MOXD1: variants seen among roughly 807,000 people sequenced by gnomAD.
The protein encoded by MOXD1 is monooxygenase DBH like 1, also known as DBH-like monooxygenase protein 1.
A neutral mutation model predicts 66.6 loss-of-function variants in MOXD1; 62 were observed. The ratio of observed to expected loss-of-function variants is 0.93; its 90% CI spans 0.76 to 1.15. MOXD1 has a LOEUF of 1.15. Ranked by LOEUF, MOXD1 falls within the 50% of genes most tolerant of loss-of-function variation. The pLI, the probability that MOXD1 is intolerant of heterozygous loss-of-function variation, is 0.00. For missense variants in MOXD1, 847 were observed against 754.6 expected (o/e 1.12, Z -1.44); for synonymous variants, 303 against 281.9 (o/e 1.07, Z -0.75).
At chr6:132,314,280 T>C (rs1562279274) in intron 10 of MOXD1, among the ~76,000 whole-genome samples, 1 of 152,244 alleles carries the variant, frequency 6.6e-6, no homozygotes, top group African/African-American at 2.4e-5. Context: ...GTAACCTGAA[T>C]GGAATGTGTC....
intron 4 of MOXD1, among the ~76,000 whole-genome samples, chr6:132,349,069 T>C (rs928482327): frequency 6.6e-6 from 1 of 151,972 alleles, no homozygotes; most frequent in Admixed American, 6.6e-5. Flanking sequence ...GAGACTTTGG[T>C]GCACCCATCA....
intron 4 of MOXD1, among the ~76,000 whole-genome samples, chr6:132,332,462 A>G (rs1225949174): frequency 6.6e-6 from 1 of 152,246 alleles, no homozygotes; most frequent in Non-Finnish European, 1.5e-5. Flanking sequence ...ATAATATGGG[A>G]GAAAAAATTA....
intron 1 of MOXD1, 129 bp from the exon 2 acceptor site, chr6:132,374,906 G>A (rs923108225): frequency 1.1e-6 from 1 of 913,338 alleles, no homozygotes; most frequent in Non-Finnish European, 1.7e-6. Flanking sequence ...CCAAGGGGCT[G>A]GAGTATTCCA....
At chr6:132,398,803 G>T (rs1337864407) in intron 1 of MOXD1, among the ~76,000 whole-genome samples, 1 of 151,862 alleles carries the variant, frequency 6.6e-6, no homozygotes, top group Non-Finnish European at 1.5e-5. Context: ...GCCTGGCATG[G>T]TGACAGGCGC....
At chr6:132,398,042 C>T (rs913946211) in intron 1 of MOXD1, among the ~76,000 whole-genome samples, 1 of 152,194 alleles carries the variant, frequency 6.6e-6, no homozygotes, top group African/African-American at 2.4e-5. Context: ...TTCCTCCACA[C>T]CTTCCCACTC....
At chr6:132,383,895 C>A (rs1776560176) in intron 1 of MOXD1, among the ~76,000 whole-genome samples, 1 of 152,030 alleles carries the variant, frequency 6.6e-6, no homozygotes, top group Non-Finnish European at 1.5e-5. Flanking sequence ...AATAGTGAAA[C>A]CCCATCTCTA....
intron 4 of MOXD1, among the ~76,000 whole-genome samples, chr6:132,338,941 C>T (rs1284627490): frequency 6.6e-6 from 1 of 152,112 alleles, no homozygotes; most frequent in East Asian, 1.9e-4. Flanking sequence ...TTTTTAAATG[C>T]AATTTTAACA....
At chr6:132,336,435 T>C (rs1425717860) in intron 4 of MOXD1, among the ~76,000 whole-genome samples, 4 of 152,224 alleles carry the variant, frequency 2.6e-5, no homozygotes, top group South Asian at 2.1e-4. Context: ...GACATGCTCA[T>C]GTGACAATGG....
intron 9 of MOXD1, among the ~76,000 whole-genome samples, chr6:132,316,537 A>G (rs1774963261): frequency 1.3e-5 from 2 of 152,148 alleles, no homozygotes; most frequent in South Asian, 4.1e-4. Flanking sequence ...AGAAAAAGGA[A>G]TGACATTAGG....
At chr6:132,351,586 A>G (rs1775803741) in intron 4 of MOXD1, among the ~76,000 whole-genome samples, 1 of 152,090 alleles carries the variant, frequency 6.6e-6, no homozygotes, top group Non-Finnish European at 1.5e-5. Flanking sequence ...CATTGGTTAT[A>G]TCGGTCAGTA....
At position 132,349,394 on chromosome 6, in the gene MOXD1, C is replaced by CACATATATATACATATATATATATAT. The variant is rs1775738910; in HGVS notation, c.664-20826_664-20801dup. On this transcript the variant is annotated intron_variant, in intron 4 of 11. Transcript: ENST00000367963. ...ATATATATACATGTATATATATATACACATATATATACATATATATATATA... is the reference window on the plus strand; with the variant it reads ...ATATATATACATGTATATATATATACACATATATATACATATATATATATATACATATATATACATATATATATATA... Among the ~76,000 whole-genome samples the CACATATATATACATATATATATATAT allele has an allele frequency of 3.4e-4, 16 of 46,924 alleles. 1 individual carries two copies. Among genetic ancestry groups the CACATATATATACATATATATATATAT allele is most frequent in the Non-Finnish European group, 3.9e-5 (1 of 25,424 alleles). 30.8% of individuals were successfully genotyped at this position (46,924 alleles called of 152,430 possible).
chr6:132,347,956 A>G (rs1433365913), intron 4 of MOXD1, among the ~76,000 whole-genome samples: 3 of 152,082 alleles, frequency 2.0e-5, no homozygotes. Context: ...CATTTATAGA[A>G]CAGTTCCATG....
chr6:132,309,271 T>C (rs1367547726), intron 10 of MOXD1, among the ~76,000 whole-genome samples: 3 of 152,062 alleles, frequency 2.0e-5, no homozygotes, highest in Non-Finnish European at 4.4e-5. Flanking sequence ...CCATTCACAA[T>C]TGCTACAAAG....
At chr6:132,334,472 A>G (rs1349487330) in intron 4 of MOXD1, among the ~76,000 whole-genome samples, 1 of 152,248 alleles carries the variant, frequency 6.6e-6, no homozygotes, top group East Asian at 1.9e-4. Context: ...CAAATGGTGA[A>G]TCACTCCTGT....
intron 2 of MOXD1, among the ~76,000 whole-genome samples, chr6:132,374,068 T>C (rs1342921782): frequency 6.6e-6 from 1 of 152,194 alleles, no homozygotes; most frequent in African/African-American, 2.4e-5. Flanking sequence ...AAACAATTCA[T>C]GGAAATTTCT....
At chr6:132,312,488 C>T (rs1386947237) in intron 10 of MOXD1, among the ~76,000 whole-genome samples, 1 of 152,068 alleles carries the variant, frequency 6.6e-6, no homozygotes, top group African/African-American at 2.4e-5. Context: ...TGGTGATGAA[C>T]TAGATTTAAT....
Position 132,361,749 on chromosome 6 carries a change from C to T in MOXD1, c.663+10859G>A, listed in dbSNP as rs143950725. Among the ~76,000 whole-genome samples, 129 of 152,138 alleles carry T rather than the reference C, an allele frequency of 8.5e-4. 1 individual carries two copies. The highest frequency in any genetic ancestry group is 6.8e-3 in the Middle Eastern group (2 of 294). Reference sequence around the variant, plus strand: ...TGAATCAAGAAAAATACAATAATAGCTCAATGAAGCAAATCTCAACTATAA... The same window carrying T: ...TGAATCAAGAAAAATACAATAATAGTTCAATGAAGCAAATCTCAACTATAA... On this transcript the variant is annotated intron_variant, in intron 4 of 11. Coordinates refer to ENST00000367963, the MANE Select transcript of MOXD1 (RefSeq NM_015529.4).
chr6:132,340,037 T>C (rs1264780423), intron 4 of MOXD1, among the ~76,000 whole-genome samples: 2 of 151,876 alleles, frequency 1.3e-5, no homozygotes, highest in African/African-American at 4.8e-5. Context: ...ACCTGGATAA[T>C]TTTTGTATTT....
At chr6:132,370,083 G>A (rs1776234188) in intron 4 of MOXD1, among the ~76,000 whole-genome samples, 1 of 152,046 alleles carries the variant, frequency 6.6e-6, no homozygotes, top group Admixed American at 6.6e-5. Flanking sequence ...TCTCATTTCT[G>A]TGAAAGTACT....
Sources: gnomAD v4.1 joint callset for allele counts (sites outside exome capture counted in the v4.1 genomes callset) on GRCh38, gnomAD v4.1.1 for gene constraint, MANE v1.5 for transcripts, NCBI Gene and HGNC (gene_info 2026-07-23, HGNC 2026-07-21) for gene names.